The following SEMA3E variants were observed in gnomAD, a reference collection of about 807,000 sequenced individuals.
The protein encoded by SEMA3E is semaphorin-3E.
A neutral mutation model predicts 93.6 loss-of-function variants in SEMA3E; 49 were observed. The observed-to-expected ratio is 0.52, with a 90% confidence interval of 0.42 to 0.66. The LOEUF (loss-of-function observed/expected upper bound fraction) is 0.66, where lower values mean the gene tolerates loss of function less well. SEMA3E is among the 30% of genes least tolerant of loss of function. The probability of loss-of-function intolerance (pLI) is 0.00; values close to 1 mark genes in which losing one functional copy is unlikely to be tolerated. For missense variants in SEMA3E, 906 were observed against 964.8 expected, an observed-to-expected ratio of 0.94 and a Z score of 0.81; for synonymous variants, 363 against 330.7, an observed-to-expected ratio of 1.10 and a Z score of -1.06.
intron 1 of SEMA3E, among the ~76,000 whole-genome samples, chr7:83,530,145 T>A (rs1791257267): frequency 6.6e-6 from 1 of 152,158 alleles, no homozygotes; most frequent in Non-Finnish European, 1.5e-5. Flanking sequence ...AGATTTAATG[T>A]TGTTGATTGT....
chr7:83,515,477 A>G (rs1790907621), intron 1 of SEMA3E, among the ~76,000 whole-genome samples: 1 of 152,100 alleles, frequency 6.6e-6, no homozygotes, highest in South Asian at 2.1e-4. Flanking sequence ...CATCCTTCCC[A>G]TGCTGCTTAG....
At chr7:83,368,706 C>T (rs12111869) in intron 16 of SEMA3E, among the ~76,000 whole-genome samples, 14,528 of 152,230 alleles carry the variant, frequency 0.095, 748 homozygotes, top group Middle Eastern at 0.15. Context: ...TTTCAATATA[C>T]CTTCAGTGCT....
rs531380113 is a variant in SEMA3E at position 83,507,908 on chromosome 7, C to T, written c.116-17634G>A. 6.4e-4 allele frequency among the ~76,000 whole-genome samples: 97 copies of T among 152,148 alleles called. 1 individual carries two copies. The highest frequency in any genetic ancestry group is 3.4e-3 in the Middle Eastern group (1 of 294). On this transcript the variant is annotated intron_variant, in intron 1 of 16. Coordinates refer to ENST00000643230, the MANE Select transcript of SEMA3E (RefSeq NM_012431.3). ...TGAGGCTGCAGTGAGCATGGCCACA[C>T]CACTGCACTCCAGCCTGGGTGACAA...
At chr7:83,620,990 G>A (rs1368296078) in intron 1 of SEMA3E, among the ~76,000 whole-genome samples, 1 of 152,054 alleles carries the variant, frequency 6.6e-6, no homozygotes, top group Non-Finnish European at 1.5e-5. Flanking sequence ...GGAAGTTCTG[G>A]CCAGGGAAAT....
rs1792670754 is a variant in SEMA3E at position 83,588,157 on chromosome 7, G to A, written c.115+60271C>T. 2.0e-5 allele frequency among the ~76,000 whole-genome samples: 3 copies of A among 152,086 alleles called. No homozygotes were observed. In the South Asian group the frequency reaches 6.2e-4, roughly 32 times the overall value. ...CCAGCACTTTGGGAGCCTGAGGCAG[G>A]CGGATCATGAGGTCAGGAGATTGAG... is the stretch of plus-strand genomic sequence containing the variant. On this transcript the variant is annotated intron_variant, in intron 1 of 16. Transcript: ENST00000643230.
intron 1 of SEMA3E, among the ~76,000 whole-genome samples, chr7:83,577,347 A>G (rs1584342519): frequency 1.3e-5 from 2 of 152,276 alleles, no homozygotes; most frequent in African/African-American, 4.8e-5. Flanking sequence ...TTATGCTTTC[A>G]ATAATCATTA....
intron 16 of SEMA3E, among the ~76,000 whole-genome samples, chr7:83,383,383 G>A (rs1165373213): frequency 1.3e-5 from 2 of 151,778 alleles, no homozygotes; most frequent in Non-Finnish European, 2.9e-5. Context: ...TGGAAAAATT[G>A]TTATTAAAGA....
At chr7:83,501,161 G>C (rs1260981103) in intron 1 of SEMA3E, among the ~76,000 whole-genome samples, 1 of 151,966 alleles carries the variant, frequency 6.6e-6, no homozygotes, top group Admixed American at 6.6e-5. Context: ...GATGATATCT[G>C]GTTACTTCAT....
intron 1 of SEMA3E, among the ~76,000 whole-genome samples, chr7:83,530,577 TA>T (rs1300180424): frequency 6.6e-6 from 1 of 152,142 alleles, no homozygotes; most frequent in African/African-American, 2.4e-5. Flanking sequence ...ATATTCTTTT[TA>T]AAAATATTCA....
At chr7:83,428,623 GA>G (rs1788819410) in intron 4 of SEMA3E, among the ~76,000 whole-genome samples, 1 of 151,958 alleles carries the variant, frequency 6.6e-6, no homozygotes, top group African/African-American at 2.4e-5. Context: ...TTTATTAAAG[GA>G]TATTTGAAAC....
At chr7:83,521,201 C>A (rs958459508) in intron 1 of SEMA3E, among the ~76,000 whole-genome samples, 13 of 151,814 alleles carry the variant, frequency 8.6e-5, no homozygotes, top group Admixed American at 8.5e-4. Context: ...CACAGTCTTT[C>A]CTGCAGTGTC....
At chr7:83,424,793 A>C (rs1367047579) in intron 4 of SEMA3E, 1 of 163,958 alleles carries the variant, frequency 6.1e-6, no homozygotes, top group African/African-American at 2.4e-5. Context: ...ATGTTTTGAT[A>C]AAAGCAGAAA....
intron 2 of SEMA3E, among the ~76,000 whole-genome samples, chr7:83,477,702 T>C (rs962168748): frequency 6.6e-6 from 1 of 152,068 alleles, no homozygotes; most frequent in Non-Finnish European, 1.5e-5. Context: ...ATTTACTCAA[T>C]TGGTATAATT....
intron 3 of SEMA3E, among the ~76,000 whole-genome samples, chr7:83,468,040 T>C (rs1348214374): frequency 1.3e-5 from 2 of 152,230 alleles, no homozygotes; most frequent in African/African-American, 4.8e-5. Context: ...CCAGTATTAC[T>C]TGAAATCAAT....
At chr7:83,444,673 A>ATTTTTTTT (rs397952833) in intron 4 of SEMA3E, among the ~76,000 whole-genome samples, 1 of 142,292 alleles carries the variant, frequency 7.0e-6, no homozygotes. Flanking sequence ...AATATTCAGC[A>ATTTTTTTT]TTTTTTTTTT....
At chr7:83,541,188 C>T (rs1209950667) in intron 1 of SEMA3E, among the ~76,000 whole-genome samples, 3 of 152,190 alleles carry the variant, frequency 2.0e-5, no homozygotes, top group African/African-American at 4.8e-5. Context: ...TGACTTTTCA[C>T]ATATCGTACT....
At chr7:83,419,434 T>C (rs970223348) in intron 4 of SEMA3E, among the ~76,000 whole-genome samples, 2 of 152,198 alleles carry the variant, frequency 1.3e-5, no homozygotes, top group Non-Finnish European at 2.9e-5. Flanking sequence ...CATTTTCCTT[T>C]GGAAATTTAC....
intron 1 of SEMA3E, among the ~76,000 whole-genome samples, chr7:83,589,690 A>G (rs1477396761): frequency 6.6e-6 from 1 of 152,160 alleles, no homozygotes; most frequent in Non-Finnish European, 1.5e-5. Flanking sequence ...ACTAATATCA[A>G]AACTTATTAA....
At chr7:83,387,902 A>G (rs895223481) in intron 14 of SEMA3E, among the ~76,000 whole-genome samples, 1 of 147,124 alleles carries the variant, frequency 6.8e-6, no homozygotes, top group Admixed American at 6.9e-5. Context: ...AACATTATAT[A>G]TATAAAATTC....
Sources: gnomAD v4.1 joint callset for allele counts (sites outside exome capture counted in the v4.1 genomes callset) on GRCh38, gnomAD v4.1.1 for gene constraint, MANE v1.5 for transcripts, NCBI Gene and HGNC (gene_info 2026-07-23, HGNC 2026-07-21) for gene names.